The following ADAMTS3 variants were observed in gnomAD, a reference collection of about 807,000 sequenced individuals.
The protein encoded by ADAMTS3 is A disintegrin and metalloproteinase with thrombospondin motifs 3.
ADAMTS3 carries 73 observed loss-of-function variants against 129.0 expected under a neutral mutation model. The observed-to-expected ratio is 0.57, with a 90% CI of 0.47 to 0.69. The LOEUF is 0.69. Ranked by LOEUF, ADAMTS3 falls within the 30% of genes least tolerant of loss-of-function variation. ADAMTS3 has a pLI of 0.00. For missense variants in ADAMTS3, 1,457 were observed against 1,514.5 expected (o/e 0.96, Z 0.63); for synonymous variants, 477 against 510.8 (o/e 0.93, Z 0.89).
At chr4:72,312,145 T>G (rs1441743657) in intron 13 of ADAMTS3, 146 bp downstream of exon 13, 1 of 783,082 alleles carries the variant, frequency 1.3e-6, no homozygotes, top group African/African-American at 1.7e-5. Flanking sequence ...GCCTTATTCT[T>G]AGAAACCCAG....
At chr4:72,552,084 C>T (rs557696862) in intron 2 of ADAMTS3, among the ~76,000 whole-genome samples, 1 of 152,280 alleles carries the variant, frequency 6.6e-6, no homozygotes, top group South Asian at 2.1e-4. Context: ...AGAAGTAAAA[C>T]CAAATTATAT....
At chr4:72,566,242 A>G (rs981571426) in intron 2 of ADAMTS3, among the ~76,000 whole-genome samples, 7 of 152,196 alleles carry the variant, frequency 4.6e-5, no homozygotes, top group African/African-American at 1.7e-4. Flanking sequence ...ATATGCTCAT[A>G]TATTACAGGC....
chr4:72,406,825 A>C (rs1055835016), intron 4 of ADAMTS3, among the ~76,000 whole-genome samples: 2 of 152,324 alleles, frequency 1.3e-5, no homozygotes, highest in South Asian at 2.1e-4. Context: ...AAATCTATAA[A>C]AATAGTCCCA....
At chr4:72,440,843 T>C (rs1718095218) in intron 3 of ADAMTS3, among the ~76,000 whole-genome samples, 1 of 151,830 alleles carries the variant, frequency 6.6e-6, no homozygotes, top group South Asian at 2.1e-4. Context: ...ATTTGGATTT[T>C]CACTTTTTTT....
At chr4:72,425,519 G>A (rs1008879953) in intron 3 of ADAMTS3, among the ~76,000 whole-genome samples, 38 of 152,098 alleles carry the variant, frequency 2.5e-4, no homozygotes, top group African/African-American at 8.7e-4. Context: ...GGTGTGTGAT[G>A]TTCCCCTTCC....
intron 6 of ADAMTS3, among the ~76,000 whole-genome samples, chr4:72,322,674 G>A (rs1418384861): frequency 1.3e-5 from 2 of 152,068 alleles, no homozygotes; most frequent in Non-Finnish European, 2.9e-5. Context: ...ATGAATAAAT[G>A]AAACACACAC....
At chr4:72,319,575 T>G in intron 8 of ADAMTS3, 100 bp from the exon 9 acceptor site, 2 of 1,389,000 alleles carry the variant, frequency 1.4e-6, no homozygotes, top group East Asian at 4.8e-5. Flanking sequence ...TATTTTTGAG[T>G]CAACGTGGCT....
intron 3 of ADAMTS3, among the ~76,000 whole-genome samples, chr4:72,503,539 G>T (rs2110026377): frequency 6.6e-6 from 1 of 152,216 alleles, no homozygotes; most frequent in South Asian, 2.1e-4. Context: ...GTCTATCTTG[G>T]AGTATTTTCC....
chr4:72,486,451 G>T (rs1719593902), intron 3 of ADAMTS3, among the ~76,000 whole-genome samples: 1 of 152,220 alleles, frequency 6.6e-6, no homozygotes, highest in South Asian at 2.1e-4. Flanking sequence ...TGAATCATAG[G>T]TTCTATGTCT....
intron 4 of ADAMTS3, among the ~76,000 whole-genome samples, chr4:72,379,612 A>G (rs1253345658): frequency 1.3e-5 from 2 of 152,184 alleles, no homozygotes; most frequent in Admixed American, 6.5e-5. Context: ...ATTTTTAATC[A>G]TAAATATTGG....
At chr4:72,429,743 A>G (rs904489706) in intron 3 of ADAMTS3, among the ~76,000 whole-genome samples, 1 of 152,096 alleles carries the variant, frequency 6.6e-6, no homozygotes, top group Non-Finnish European at 1.5e-5. Flanking sequence ...TATAATTTAA[A>G]GCATAGGAAT....
At chr4:72,298,524 T>G in intron 17 of ADAMTS3, 82 bp from the exon 18 acceptor site, 1 of 1,122,830 alleles carries the variant, frequency 8.9e-7, no homozygotes, top group Non-Finnish European at 1.2e-6. Context: ...TTCAGAATAT[T>G]GCTCTTATTA....
chr4:72,283,547 A>G lies in ADAMTS3; in HGVS notation c.3207T>C (p.His1069=). ...PPYLLEAAET[H]DDVISNPSDL... ...CACTAGGGTTAGAGATGACATCATC[A>G]TGAGTTTCAGCAGCTTCTAGAAGGT... The change falls in exon 22 of 22, where the codon CAT becomes CAC. Residue 1069 remains histidine, a synonymous_variant. Coordinates refer to ENST00000286657, the MANE Select transcript of ADAMTS3 (RefSeq NM_014243.3). The G allele has an allele frequency of 6.2e-7, 1 of 1,614,098 alleles. No individual in the cohort carries two copies. The highest frequency in any genetic ancestry group is 1.1e-5 in the South Asian group (1 of 91,086).
chr4:72,475,369 T>C (rs749198041), intron 3 of ADAMTS3, among the ~76,000 whole-genome samples: 4 of 151,908 alleles, frequency 2.6e-5, no homozygotes, highest in Non-Finnish European at 5.9e-5. Flanking sequence ...ATACTAATGT[T>C]AGATAATGTA....
chr4:72,503,557 A>G (rs1319992099), intron 3 of ADAMTS3, among the ~76,000 whole-genome samples: 3 of 152,128 alleles, frequency 2.0e-5, no homozygotes, highest in African/African-American at 7.2e-5. Flanking sequence ...TCCATGTGCA[A>G]TTGAGAATAT....
At chr4:72,385,017 T>A (rs182005703) in intron 4 of ADAMTS3, among the ~76,000 whole-genome samples, 27 of 151,798 alleles carry the variant, frequency 1.8e-4, no homozygotes, top group Non-Finnish European at 2.5e-4. Context: ...AAATATATTT[T>A]AAAAAAAGAA....
intron 2 of ADAMTS3, among the ~76,000 whole-genome samples, chr4:72,566,196 C>T (rs1578801110): frequency 6.6e-6 from 1 of 152,150 alleles, no homozygotes; most frequent in East Asian, 1.9e-4. Context: ...ATACATCCAA[C>T]AATGCTAAGC....
intron 4 of ADAMTS3, among the ~76,000 whole-genome samples, chr4:72,376,957 TG>T (rs1315840973): frequency 6.6e-6 from 1 of 152,138 alleles, no homozygotes; most frequent in Non-Finnish European, 1.5e-5. Context: ...TTCACTGAAG[TG>T]GCATGAATAA....
intron 2 of ADAMTS3, among the ~76,000 whole-genome samples, chr4:72,566,905 C>G (rs2109812164): frequency 6.6e-6 from 1 of 152,332 alleles, no homozygotes; most frequent in South Asian, 2.1e-4. Context: ...GATTGAATAA[C>G]AGAAGTCATC....
Sources: gnomAD v4.1 joint callset for allele counts (sites outside exome capture counted in the v4.1 genomes callset) on GRCh38, gnomAD v4.1.1 for gene constraint, MANE v1.5 for transcripts, NCBI Gene and HGNC (gene_info 2026-07-23, HGNC 2026-07-21) for gene names.